Variants in CACNA1B observed in about 807,000 individuals in gnomAD.
CACNA1B encodes voltage-dependent N-type calcium channel subunit alpha-1B.
Under a neutral mutation model 247.2 loss-of-function variants are expected in CACNA1B, and 70 were observed. The observed-to-expected ratio is 0.28, with a 90% CI of 0.23 to 0.35. The LOEUF is 0.35. Ranked by LOEUF, CACNA1B falls within the 10% of genes least tolerant of loss-of-function variation. The pLI is 1.00. For missense variants in CACNA1B, 2,367 were observed against 3,197.4 expected (o/e 0.74, Z 6.26); for synonymous variants, 1,231 against 1,294.4 (o/e 0.95, Z 1.05).
In CACNA1B at chr9:137,934,326, G is replaced by A. The variant is rs114950488; in HGVS notation, c.966+16895G>A. 2.5e-3 allele frequency among the ~76,000 whole-genome samples: 384 copies of A among 152,264 alleles called. 4 individuals are homozygous for A. The highest frequency in any genetic ancestry group is 8.8e-3 in the African/African-American group (364 of 41,540). ...AGGCTTGTCCAGCACCACTGAAAAT[G>A]GTCCCTTCCATTTGGGTTGCAATAG... On this transcript the variant is annotated intron_variant, in intron 6 of 46. Coordinates refer to ENST00000371372, the MANE Select transcript of CACNA1B (RefSeq NM_000718.4).
At chr9:138,056,780 C>G (rs953171712) in intron 26 of CACNA1B, among the ~76,000 whole-genome samples, 1 of 152,224 alleles carries the variant, frequency 6.6e-6, no homozygotes, top group African/African-American at 2.4e-5. Flanking sequence ...CTACAGCCAT[C>G]ATCATGGGCA....
chr9:138,033,741 G>A (rs147123330), intron 20 of CACNA1B, among the ~76,000 whole-genome samples: 44 of 152,294 alleles, frequency 2.9e-4, no homozygotes, highest in Admixed American at 1.4e-3. Flanking sequence ...GCAGGACAGA[G>A]TGAGCGCAAG....
chr9:138,043,816 A>AG lies in CACNA1B; in HGVS notation c.3331dup (p.Val1111GlyfsTer5). The AG allele has an allele frequency of 6.2e-7, 1 of 1,613,852 alleles. No individual in the cohort carries two copies. The highest frequency in any genetic ancestry group is 8.5e-7 in the Non-Finnish European group (1 of 1,179,846). On this transcript the variant is annotated frameshift_variant, in exon 21 of 47. Coordinates refer to ENST00000371372, the MANE Select transcript of CACNA1B (RefSeq NM_000718.4). LOFTEE classifies it high-confidence loss of function. ...GAAAGCCAAGCAGAGGGGAAGAAGGAGGTGGAAGCGGATGACGTGATGAGG... is the reference window on the plus strand; with the variant it reads ...GAAAGCCAAGCAGAGGGGAAGAAGGAGGGTGGAAGCGGATGACGTGATGAGG...
Position 138,087,123 on chromosome 9 carries a change from C to T in CACNA1B, c.5094+8865C>T, listed in dbSNP as rs551479344. On this transcript the variant is annotated intron_variant, in intron 36 of 46. Transcript: ENST00000371372. ...CAATTTGGCCTGGCACAGTAGCTCA[C>T]GCCTGTAATCCCAGCACTTTGGGAG... 1.7e-4 allele frequency among the ~76,000 whole-genome samples: 25 copies of T among 151,158 alleles called. 1 individual carries two copies. Among genetic ancestry groups the T allele is most frequent in the African/African-American group, 3.7e-4 (15 of 40,920 alleles).
rs116548019 is a variant in CACNA1B, at chr9:138,024,253, C to T, written c.3068+442C>T. Among the ~76,000 whole-genome samples the T allele has an allele frequency of 4.7e-3, 710 of 152,254 alleles. 5 individuals carry two copies. Among genetic ancestry groups the T allele is most frequent in the African/African-American group, 0.016 (674 of 41,562 alleles). ...CTGGGCGCAGAGCGGGGTGTGGGGG[C>T]CAGGCTGTGTGACCATGACAGAAAG... On this transcript the variant is annotated intron_variant, in intron 19 of 46. Transcript: ENST00000371372.
chr9:138,110,963 G>A (rs1462893735), intron 39 of CACNA1B, among the ~76,000 whole-genome samples: 2 of 148,464 alleles, frequency 1.3e-5, no homozygotes, highest in Admixed American at 1.4e-4. Context: ...TTAATCATTA[G>A]ACAAATCCAG....
intron 38 of CACNA1B, among the ~76,000 whole-genome samples, chr9:138,104,699 C>T (rs1256786782): frequency 6.6e-6 from 1 of 152,234 alleles, no homozygotes; most frequent in Admixed American, 6.5e-5. Flanking sequence ...TGCCCTGCCA[C>T]AGGTTGCAGG....
At chr9:137,908,129 C>G (rs1957317940) in intron 3 of CACNA1B, among the ~76,000 whole-genome samples, 1 of 152,186 alleles carries the variant, frequency 6.6e-6, no homozygotes, top group South Asian at 2.1e-4. Context: ...TTCAGCATCG[C>G]TTGACTGTTC....
rs541594878 is a variant in CACNA1B, at chr9:138,028,023, CTTTTTTTTTTTTTTTTTTT to C, written c.3286+2861_3286+2879del. On this transcript the variant is annotated intron_variant, in intron 20 of 46. Transcript: ENST00000371372. ...GGTCTCATTTCCACTCCCCCCCAACCTTTTTTTTTTTTTTTTTTTTTTTTTTTTGAGACTGAGCCTTGCT... is the reference window on the plus strand; with the variant it reads ...GGTCTCATTTCCACTCCCCCCCAACCTTTTTTTTTGAGACTGAGCCTTGCT... 1.0e-4 allele frequency among the ~76,000 whole-genome samples: 10 copies of C among 98,768 alleles called. 1 individual carries two copies. In the East Asian group the frequency reaches 3.3e-3, roughly 33 times the overall value. 64.8% of individuals were successfully genotyped at this position (98,768 alleles called of 152,430 possible).
intron 20 of CACNA1B, among the ~76,000 whole-genome samples, chr9:138,036,640 A>C (rs1483022591): frequency 6.6e-6 from 1 of 152,090 alleles, no homozygotes; most frequent in Non-Finnish European, 1.5e-5. Flanking sequence ...CATTCGTCTA[A>C]ATTTTTTTTC....
chr9:137,895,861 T>C (rs977856265), intron 3 of CACNA1B, among the ~76,000 whole-genome samples: 1 of 152,202 alleles, frequency 6.6e-6, no homozygotes. Flanking sequence ...CTTCTAGTAC[T>C]GTGTTGAAGA....
At chr9:137,996,860 T>G (rs545213732) in intron 15 of CACNA1B, among the ~76,000 whole-genome samples, 104 of 151,386 alleles carry the variant, frequency 6.9e-4, no homozygotes, top group Non-Finnish European at 1.2e-3. Context: ...AAGGACACTA[T>G]CAGAAAAGAA....
intron 36 of CACNA1B, among the ~76,000 whole-genome samples, chr9:138,094,174 G>C (rs1366013264): frequency 1.3e-5 from 2 of 152,116 alleles, no homozygotes; most frequent in Non-Finnish European, 2.9e-5. Flanking sequence ...AGTCACAAAA[G>C]GACAGACACT....
chr9:138,003,992 G>A (rs886414268), intron 15 of CACNA1B, among the ~76,000 whole-genome samples: 2 of 152,040 alleles, frequency 1.3e-5, no homozygotes, highest in African/African-American at 4.8e-5. Context: ...CATGGGTGGT[G>A]TGAGGATGTG....
intron 10 of CACNA1B, among the ~76,000 whole-genome samples, chr9:137,970,646 C>T (rs183996644): frequency 5.2e-4 from 79 of 152,180 alleles, no homozygotes; most frequent in East Asian, 4.4e-3. Context: ...GTGCAGGTGA[C>T]GTTAATGCTG....
rs968130517 is a variant in CACNA1B, at chr9:138,100,304, C to T, written c.5223-2407C>T. Among the ~76,000 whole-genome samples, 5 of 152,122 alleles carry T rather than the reference C, an allele frequency of 3.3e-5. No individual in the cohort carries two copies. The highest frequency in any genetic ancestry group is 4.8e-5 in the African/African-American group (2 of 41,408). On this transcript the variant is annotated intron_variant, in intron 37 of 46. Transcript: ENST00000371372. This position sits in a 1 kb window ranked among gnomAD's most constrained non-coding sequence, Gnocchi z 4.6. ...AGGCATTGAAATTGGTTGAACAAGT[C>T]GCTTTGATTTTGCGTTGTAGACAGT...
chr9:138,019,918 T>C (rs1461227495), intron 18 of CACNA1B, among the ~76,000 whole-genome samples: 1 of 151,698 alleles, frequency 6.6e-6, no homozygotes, highest in Non-Finnish European at 1.5e-5. Context: ...GGCAACATGG[T>C]GAAACCCTGT....
intron 31 of CACNA1B, among the ~76,000 whole-genome samples, chr9:138,060,313 T>C (rs2133509002): frequency 6.6e-6 from 1 of 152,334 alleles, no homozygotes; most frequent in Middle Eastern, 3.4e-3. Flanking sequence ...TCTCATTTGT[T>C]TGGTCTTAGG....
At chr9:137,953,140 G>A (rs1003279681) in intron 7 of CACNA1B, among the ~76,000 whole-genome samples, 23 of 152,308 alleles carry the variant, frequency 1.5e-4, no homozygotes, top group African/African-American at 5.3e-4. Flanking sequence ...CCCACCCTGG[G>A]GCTGAGAGCT....
Sources: gnomAD v4.1 joint callset for allele counts (sites outside exome capture counted in the v4.1 genomes callset) on GRCh38, gnomAD v4.1.1 for gene constraint, Gnocchi (gnomAD v3.1) non-coding constraint, MANE v1.5 for transcripts, NCBI Gene and HGNC (gene_info 2026-07-23, HGNC 2026-07-21) for gene names.